The following ARHGAP26 variants were observed in gnomAD, a reference collection of about 807,000 sequenced individuals.
The protein encoded by ARHGAP26 is Rho GTPase activating protein 26.
Under a neutral mutation model 104.8 loss-of-function variants are expected in ARHGAP26, and 38 were observed. The ratio of observed to expected loss-of-function variants is 0.36; its 90% CI spans 0.28 to 0.48. The LOEUF (loss-of-function observed/expected upper bound fraction) is 0.48. ARHGAP26 is among the 20% of genes least tolerant of loss of function. The pLI, the probability that ARHGAP26 is intolerant of heterozygous loss-of-function variation, is 0.99. For synonymous variants in ARHGAP26, 341 were observed against 340.0 expected, an observed-to-expected ratio of 1.00 and a Z score of -0.03; for missense variants, 704 against 947.9, an observed-to-expected ratio of 0.74 and a Z score of 3.38.
At chr5:142,862,653 G>C (rs1353948872) in intron 1 of ARHGAP26, among the ~76,000 whole-genome samples, 4 of 152,196 alleles carry the variant, frequency 2.6e-5, no homozygotes, top group African/African-American at 4.8e-5. Flanking sequence ...GGCCCTGACT[G>C]TGTGAACCTG....
At chr5:142,790,350 A>G (rs1759543495) in intron 1 of ARHGAP26, among the ~76,000 whole-genome samples, 1 of 151,958 alleles carries the variant, frequency 6.6e-6, no homozygotes, top group African/African-American at 2.4e-5. Context: ...TATTAAAGGA[A>G]AGACTCTGCT....
chr5:143,003,096 G>A (rs935242936), intron 11 of ARHGAP26, among the ~76,000 whole-genome samples: 2 of 152,160 alleles, frequency 1.3e-5, no homozygotes, highest in Non-Finnish European at 2.9e-5. Flanking sequence ...ACGGGGTAGC[G>A]GAGGAGAAGC....
chr5:143,092,914 A>C (rs766784508), intron 17 of ARHGAP26, among the ~76,000 whole-genome samples: 32 of 152,288 alleles, frequency 2.1e-4, no homozygotes, highest in Admixed American at 6.5e-4. Context: ...TCACTTACTG[A>C]ATACCCACTG....
chr5:143,102,811 C>G (rs1379591491), intron 17 of ARHGAP26, among the ~76,000 whole-genome samples: 2 of 152,124 alleles, frequency 1.3e-5, no homozygotes, highest in African/African-American at 4.8e-5. Context: ...TTGTACAGCC[C>G]TTGATAATTT....
chr5:143,105,775 A>G (rs1793927295), intron 17 of ARHGAP26, among the ~76,000 whole-genome samples: 1 of 152,232 alleles, frequency 6.6e-6, no homozygotes, highest in South Asian at 2.1e-4. Flanking sequence ...GTGCGTCAGA[A>G]GTCTGAAGAA....
intron 20 of ARHGAP26, among the ~76,000 whole-genome samples, chr5:143,188,361 C>T (rs937933799): frequency 7.2e-5 from 11 of 152,144 alleles, no homozygotes; most frequent in Non-Finnish European, 1.3e-4. Flanking sequence ...CTTCTTAGGC[C>T]CCAACCCTGC....
chr5:143,134,750 A>G (rs1415688551), intron 19 of ARHGAP26, among the ~76,000 whole-genome samples: 1 of 152,224 alleles, frequency 6.6e-6, no homozygotes, highest in African/African-American at 2.4e-5. Flanking sequence ...CCTAAAATAT[A>G]CAGTATTGTT....
rs181746949 is a variant in ARHGAP26, at chr5:142,954,198, A to G, written c.1107+22073A>G. On this transcript the variant is annotated intron_variant, in intron 11 of 22. Transcript: ENST00000645722. ...AAGATCTGTTTATCTCATTCTTTCC[A>G]TGAAATATAAGAATGTTAGGCCCCA... Among the ~76,000 whole-genome samples, 1,282 of 152,296 alleles carry G rather than the reference A, an allele frequency of 8.4e-3. 8 individuals are homozygous for G. The highest frequency in any genetic ancestry group is 0.013 in the Non-Finnish European group (906 of 68,032).
intron 1 of ARHGAP26, among the ~76,000 whole-genome samples, chr5:142,780,668 A>G (rs1180726268): frequency 2.0e-5 from 3 of 152,192 alleles, no homozygotes; most frequent in Admixed American, 2.0e-4. Context: ...GATCCCAGAG[A>G]CCTTGTTTGT....
chr5:142,840,046 G>A (rs1770457206), intron 1 of ARHGAP26, among the ~76,000 whole-genome samples: 1 of 152,148 alleles, frequency 6.6e-6, no homozygotes, highest in Admixed American at 6.5e-5. Context: ...GTGGAGGAGT[G>A]CCTGTGTCTC....
chr5:143,134,027 A>G lies in ARHGAP26; in HGVS notation c.1759A>G (p.Lys587Glu). 1 of 1,613,244 alleles carries G rather than the reference A, an allele frequency of 6.2e-7. No individual in the cohort carries two copies. The highest frequency in any genetic ancestry group is 8.5e-7 in the Non-Finnish European group (1 of 1,179,600). Residue 587 changes from lysine to glutamate, a missense_variant, in exon 19 of 23, where the codon AAG becomes GAG. By Grantham distance (56) the Lys-to-Glu change is moderately conservative (BLOSUM62 1). Coordinates refer to ENST00000645722, the MANE Select transcript of ARHGAP26 (RefSeq NM_001135608.3). ...TNAQLHLSRK[K>E]SSDSKPPSCS... ...TGCCCAGCTGCACCTGTCTCGGAAG[A>G]AGAGCAGTGACTCCAAGCCCCCGTC...
chr5:142,845,575 C>G (rs1003362929), intron 1 of ARHGAP26, among the ~76,000 whole-genome samples: 4 of 152,184 alleles, frequency 2.6e-5, no homozygotes, highest in African/African-American at 4.8e-5. Flanking sequence ...CTCTAGGTGG[C>G]CTTCTCAGTG....
chr5:142,863,342 C>G (rs144494244), intron 1 of ARHGAP26, among the ~76,000 whole-genome samples: 1 of 152,118 alleles, frequency 6.6e-6, no homozygotes, highest in South Asian at 2.1e-4. Flanking sequence ...CTCCTGACCT[C>G]GTGATCCGCC....
intron 10 of ARHGAP26, among the ~76,000 whole-genome samples, chr5:142,929,258 C>T (rs557034456): frequency 3.3e-5 from 5 of 152,272 alleles, no homozygotes. Flanking sequence ...TAATCTCTCT[C>T]TTCTCTGTCT....
At chr5:143,131,920 T>G (rs527648728) in intron 18 of ARHGAP26, among the ~76,000 whole-genome samples, 1 of 152,248 alleles carries the variant, frequency 6.6e-6, no homozygotes, top group South Asian at 2.1e-4. Context: ...TCCTTGAGCT[T>G]TTCTTTCTAT....
chr5:143,113,523 C>A (rs1210867716), intron 17 of ARHGAP26, among the ~76,000 whole-genome samples: 1 of 152,120 alleles, frequency 6.6e-6, no homozygotes, highest in Non-Finnish European at 1.5e-5. Context: ...TTTAAAATTT[C>A]TCCTCCTCTC....
intron 19 of ARHGAP26, among the ~76,000 whole-genome samples, chr5:143,137,016 C>A (rs1329816393): frequency 6.6e-6 from 1 of 152,184 alleles, no homozygotes; most frequent in Non-Finnish European, 1.5e-5. Context: ...AGCCACATAG[C>A]TCATGCACTG....
At chr5:143,053,820 T>C (rs969892746) in intron 14 of ARHGAP26, among the ~76,000 whole-genome samples, 1 of 152,232 alleles carries the variant, frequency 6.6e-6, no homozygotes, top group Non-Finnish European at 1.5e-5. Context: ...CTTGTTCATA[T>C]AAAAAGTTCA....
intron 18 of ARHGAP26, among the ~76,000 whole-genome samples, chr5:143,127,506 G>A (rs1048854957): frequency 2.6e-5 from 4 of 152,120 alleles, no homozygotes; most frequent in Admixed American, 6.6e-5. Flanking sequence ...CCCAAAGATC[G>A]GTGCCCCTTT....
Sources: allele counts gnomAD v4.1 joint callset (sites outside exome capture counted in the v4.1 genomes callset), GRCh38; gene constraint gnomAD v4.1.1; transcripts MANE v1.5; gene names NCBI Gene and HGNC (gene_info 2026-07-23, HGNC 2026-07-21).